The following POU6F1 variants were observed in gnomAD, a reference collection of about 807,000 sequenced individuals.
The protein encoded by POU6F1 is POU class 6 homeobox 1, also known as POU domain, class 6, transcription factor 1.
POU6F1 carries 9 observed loss-of-function variants against 28.9 expected under a neutral mutation model. That is an observed-to-expected ratio of 0.31 (90% CI 0.19 to 0.54). POU6F1 has a LOEUF of 0.54. POU6F1 is among the 20% of genes least tolerant of loss of function. POU6F1 has a pLI of 0.94. For synonymous variants in POU6F1, 173 were observed against 171.1 expected (o/e 1.01, Z -0.09); for missense variants, 338 against 426.1 (o/e 0.79, Z 1.82).
rs1461256854 is a variant in POU6F1 at position 51,217,520 on chromosome 12, A to C, written c.-48+122T>G. 1.3e-5 allele frequency: 2 copies of C among 151,648 alleles called. No homozygotes were observed. Among genetic ancestry groups the C allele is most frequent in the African/African-American group, 2.4e-5 (1 of 41,026 alleles). The allele number at this position is 151,648 out of a possible 1,614,324, so 9.4% of individuals were successfully genotyped here. A position where few individuals can be genotyped will look rare whatever the true frequency, so the allele number is the denominator to read the frequency against. ...CGGCCCCGCGGCTTTTTTTCTCTTTATCATAAATATATAAATTATGCTAAT... is the reference window on the plus strand; with the variant it reads ...CGGCCCCGCGGCTTTTTTTCTCTTTCTCATAAATATATAAATTATGCTAAT... On this transcript the variant is annotated intron_variant, in intron 1 of 10. Transcript: ENST00000333640. This position sits in a 1 kb window ranked among gnomAD's most constrained non-coding sequence, Gnocchi z 5.3.
intron 1 of POU6F1, among the ~76,000 whole-genome samples, chr12:51,214,109 T>A (rs1944166291): frequency 6.6e-6 from 1 of 151,722 alleles, no homozygotes; most frequent in South Asian, 2.1e-4. Flanking sequence ...GCCATTGCAC[T>A]CCTGTCTGGG....
intron 3 of POU6F1, among the ~76,000 whole-genome samples, chr12:51,203,878 C>T (rs1397852236): frequency 3.9e-5 from 6 of 152,278 alleles, no homozygotes; most frequent in African/African-American, 1.4e-4. Flanking sequence ...CACAGCTCAG[C>T]GGGTTCAACT....
intron 1 of POU6F1, among the ~76,000 whole-genome samples, chr12:51,216,367 T>C (rs1382308398): frequency 2.0e-5 from 3 of 152,146 alleles, no homozygotes; most frequent in African/African-American, 7.2e-5. Flanking sequence ...ACAGAATAAA[T>C]GGCTACATAC....
chr12:51,208,318 GAGAC>G (rs1943763346), intron 1 of POU6F1, among the ~76,000 whole-genome samples: 1 of 152,002 alleles, frequency 6.6e-6, no homozygotes, highest in South Asian at 2.1e-4. Flanking sequence ...GAGAGAGAGA[GAGAC>G]AGAGAATCAG....
At chr12:51,205,701 C>A (rs1943550377) in intron 2 of POU6F1, among the ~76,000 whole-genome samples, 1 of 152,174 alleles carries the variant, frequency 6.6e-6, no homozygotes, top group African/African-American at 2.4e-5. Context: ...GACCCATCAG[C>A]AGAATATGAG....
chr12:51,209,920 T>G (rs1471465287), intron 1 of POU6F1, among the ~76,000 whole-genome samples: 1 of 152,128 alleles, frequency 6.6e-6, no homozygotes, highest in Non-Finnish European at 1.5e-5. Flanking sequence ...ACTACCTCAA[T>G]GGGGCTCTAG....
intron 6 of POU6F1, 46 bp from the exon 7 acceptor site, chr12:51,196,973 G>T: frequency 1.7e-6 from 2 of 1,163,288 alleles, no homozygotes; most frequent in Non-Finnish European, 1.3e-6. Context: ...GGGGTGAGAA[G>T]AACCCCGGGC....
At chr12:51,200,528 T>C (rs1943138877) in intron 3 of POU6F1, among the ~76,000 whole-genome samples, 1 of 152,152 alleles carries the variant, frequency 6.6e-6, no homozygotes, top group South Asian at 2.1e-4. Flanking sequence ...TTTTGCCTTC[T>C]CTTGGTACCT....
In POU6F1 at chr12:51,199,376, C is replaced by G. The variant is rs1279194773; in HGVS notation, c.366+371G>C. 6.6e-6 allele frequency among the ~76,000 whole-genome samples: 1 copy of G among 152,206 alleles called. No individual in the cohort carries two copies. Among genetic ancestry groups the G allele is most frequent in the Admixed American group, 6.5e-5 (1 of 15,282 alleles). On this transcript the variant is annotated intron_variant, in intron 4 of 10. Transcript: ENST00000333640. This position sits in a 1 kb window ranked among gnomAD's most constrained non-coding sequence, Gnocchi z 4.1. ...TCATGGTGCTGGGGCCACTCCCTGGCTCTAAATGAGGACTCTGAACAATCC... is the reference window on the plus strand; with the variant it reads ...TCATGGTGCTGGGGCCACTCCCTGGGTCTAAATGAGGACTCTGAACAATCC...
chr12:51,217,407 G>GC lies in POU6F1; in HGVS notation c.-48+234dup, dbSNP rs1490923388. 1.3e-5 allele frequency among the ~76,000 whole-genome samples: 2 copies of GC among 151,934 alleles called. No homozygotes were observed. Among genetic ancestry groups the GC allele is most frequent in the African/African-American group, 4.8e-5 (2 of 41,398 alleles). On this transcript the variant is annotated intron_variant, in intron 1 of 10. Transcript: ENST00000333640. The surrounding 1 kb of genome is among the most constrained non-coding windows in gnomAD (Gnocchi z 5.3). ...CGGCCCGCGGGCGGGCGAGGGCGCG[G>GC]CCCCCGGGTGTCTAGCCCCAGCTGG...
chr12:51,195,238 G>A (rs891193899), intron 8 of POU6F1, among the ~76,000 whole-genome samples: 3 of 152,164 alleles, frequency 2.0e-5, no homozygotes, highest in Admixed American at 6.5e-5. Context: ...GGCCTCAAGC[G>A]ATCCTCCGCC....
At chr12:51,212,084 TTTTGTTTGTTTG>T (rs543517992) in intron 1 of POU6F1, among the ~76,000 whole-genome samples, 25 of 146,474 alleles carry the variant, frequency 1.7e-4, no homozygotes, top group African/African-American at 1.6e-4. Flanking sequence ...GTTTTTTTTG[TTTTGTTTGTTTG>T]TTTGTTTGTT....
chr12:51,198,182 A>C, intron 5 of POU6F1, 159 bp from the exon 6 acceptor site: 1 of 397,610 alleles, frequency 2.5e-6, no homozygotes. Context: ...GGGCTGGCGC[A>C]CGCCAGCATC....
intron 7 of POU6F1, 26 bp downstream of exon 7, chr12:51,196,773 C>CTCCA: frequency 6.2e-7 from 1 of 1,613,374 alleles, no homozygotes; most frequent in Non-Finnish European, 8.5e-7. Flanking sequence ...AGTCCCCACC[C>CTCCA]TCCAGCCCTG....
Position 51,217,512 on chromosome 12 carries a change from T to C in POU6F1, c.-48+130A>G, listed in dbSNP as rs941904113. On this transcript the variant is annotated intron_variant, in intron 1 of 10. Transcript: ENST00000333640. This position sits in a 1 kb window ranked among gnomAD's most constrained non-coding sequence, Gnocchi z 5.3. ...CGCCGCCCCGGCCCCGCGGCTTTTT[T>C]TCTCTTTATCATAAATATATAAATT... 6.6e-6 allele frequency: 1 copy of C among 152,264 alleles called. No individual in the cohort carries two copies. Among genetic ancestry groups the C allele is most frequent in the Non-Finnish European group, 1.5e-5 (1 of 67,888 alleles). The allele number at this position is 152,264 out of a possible 1,614,324, so 9.4% of individuals were successfully genotyped here.
Position 51,190,522 on chromosome 12 carries a change from C to T in POU6F1, c.1561G>A (p.Glu521Lys), listed in dbSNP as rs1481324554. ...CCTTCCTGGTTCCGCAGTTCAGCTT[C>T]GTTTAGCCACTTTTCCAGCACCGGC... ...LKPVLEKWLN[E>K]AELRNQEGQQ... Residue 521 changes from glutamate (E) to lysine (K), a missense_variant, in exon 11 of 11, where the codon GAA (glutamate) becomes AAA (lysine). Coordinates refer to ENST00000333640, the MANE Select transcript of POU6F1 (RefSeq NM_001330422.2). This position sits in a 1 kb window ranked among gnomAD's most constrained non-coding sequence, Gnocchi z 4.5. 5 of 1,614,066 alleles carry T rather than the reference C, an allele frequency of 3.1e-6. No individual in the cohort carries two copies. The highest frequency in any genetic ancestry group is 2.2e-5 in the East Asian group (1 of 44,900).
chr12:51,211,202 G>A (rs916694939), intron 1 of POU6F1, among the ~76,000 whole-genome samples: 2 of 152,242 alleles, frequency 1.3e-5, no homozygotes, highest in South Asian at 2.1e-4. Flanking sequence ...GAGACAATCA[G>A]CTGTCTGTTT....
rs1451055360 is a variant in POU6F1 at position 51,188,450 on chromosome 12, C to G, written c.*1797G>C. 6.6e-6 allele frequency: 1 copy of G among 152,298 alleles called. No homozygotes were observed. Among genetic ancestry groups the G allele is most frequent in the East Asian group, 1.9e-4 (1 of 5,200 alleles). The allele number at this position is 152,298 out of a possible 1,614,324, so 9.4% of individuals were successfully genotyped here. ...CCTGCTTCCTCACCTCTGCTACACTCTGGCAGGCATGGTTTGTCCAAATGC... is the reference window on the plus strand; with the variant it reads ...CCTGCTTCCTCACCTCTGCTACACTGTGGCAGGCATGGTTTGTCCAAATGC... On this transcript the variant is annotated 3_prime_UTR_variant, in exon 11 of 11. Coordinates refer to ENST00000333640, the MANE Select transcript of POU6F1 (RefSeq NM_001330422.2).
intron 1 of POU6F1, 120 bp from the exon 2 acceptor site, chr12:51,207,003 T>A: frequency 5.3e-6 from 2 of 379,100 alleles, no homozygotes; most frequent in East Asian, 3.8e-5. Flanking sequence ...CTCCCAAGTA[T>A]CTGTAGAGGT....
Sources: allele counts gnomAD v4.1 joint callset (sites outside exome capture counted in the v4.1 genomes callset), GRCh38; gene constraint gnomAD v4.1.1; non-coding constraint Gnocchi (gnomAD v3.1); transcripts MANE v1.5; gene names NCBI Gene and HGNC (gene_info 2026-07-23, HGNC 2026-07-21).